Variants in GREB1L observed in about 807,000 individuals in gnomAD.
The protein encoded by GREB1L is GREB1-like protein.
Under a neutral mutation model 200.8 loss-of-function variants are expected in GREB1L, and 17 were observed. That is an observed-to-expected ratio of 0.08 (90% CI 0.06 to 0.13). The LOEUF is 0.13. Ranked by LOEUF, GREB1L falls within the 10% of genes least tolerant of loss-of-function variation. The pLI, the probability that GREB1L is intolerant of heterozygous loss-of-function variation, is 1.00. For synonymous variants in GREB1L, 789 were observed against 893.0 expected (o/e 0.88, Z 2.08); for missense variants, 1,657 against 2,367.7 (o/e 0.70, Z 6.23).
At chr18:21,358,851 A>G (rs554120311) in intron 1 of GREB1L, among the ~76,000 whole-genome samples, 1 of 152,382 alleles carries the variant, frequency 6.6e-6, no homozygotes, top group South Asian at 2.1e-4. Context: ...AAATGAAAAG[A>G]TAATAACTTC....
In GREB1L at chr18:21,266,510, A is replaced by G. The variant is rs1598615542; in HGVS notation, c.-120+24117A>G. On this transcript the variant is annotated intron_variant, in intron 1 of 32. Coordinates refer to ENST00000424526, the MANE Select transcript of GREB1L (RefSeq NM_001142966.3). ...GGCTGCAGGGAGGTAGAGAAGAGCCAGAGACAAGTGGACATGCTGAGGGCC... is the reference window on the plus strand; with the variant it reads ...GGCTGCAGGGAGGTAGAGAAGAGCCGGAGACAAGTGGACATGCTGAGGGCC... 4.6e-5 allele frequency among the ~76,000 whole-genome samples: 7 copies of G among 152,344 alleles called. No homozygotes were observed. The Middle Eastern group carries it at 0.024, about 518-fold the overall frequency.
chr18:21,278,409 T>C (rs1056797469), intron 1 of GREB1L, among the ~76,000 whole-genome samples: 2 of 147,802 alleles, frequency 1.4e-5, no homozygotes, highest in African/African-American at 4.9e-5. Context: ...AATAAATAAA[T>C]AAATAAATAA....
chr18:21,285,918 A>C (rs1175586872), intron 1 of GREB1L, among the ~76,000 whole-genome samples: 1 of 152,160 alleles, frequency 6.6e-6, no homozygotes, highest in Admixed American at 6.5e-5. Context: ...ACCTGAGCTC[A>C]CCCTTTTTAA....
chr18:21,249,635 A>C (rs2037667377), intron 1 of GREB1L, among the ~76,000 whole-genome samples: 1 of 151,992 alleles, frequency 6.6e-6, no homozygotes, highest in Admixed American at 6.6e-5. Context: ...TCGGTGGATC[A>C]CCTGAGGTCA....
At chr18:21,376,812 C>CAAAAAAAAAA (rs534144361) in intron 2 of GREB1L, among the ~76,000 whole-genome samples, 1 of 59,644 alleles carries the variant, frequency 1.7e-5, no homozygotes, top group Non-Finnish European at 3.5e-5. Context: ...GAGTCCGTCT[C>CAAAAAAAAAA]AAAAAAAAAA....
chr18:21,343,281 G>C (rs1223016659), intron 1 of GREB1L, among the ~76,000 whole-genome samples: 2 of 152,120 alleles, frequency 1.3e-5, no homozygotes, highest in Non-Finnish European at 2.9e-5. Context: ...AAACAACCTT[G>C]TATCTGATAA....
At chr18:21,479,108 G>T (rs1475760465) in intron 17 of GREB1L, among the ~76,000 whole-genome samples, 3 of 151,844 alleles carry the variant, frequency 2.0e-5, no homozygotes, top group African/African-American at 7.3e-5. Flanking sequence ...TCTCGAACTC[G>T]CAACCTCAGT....
At chr18:21,274,908 T>A (rs1365350057) in intron 1 of GREB1L, among the ~76,000 whole-genome samples, 1 of 151,378 alleles carries the variant, frequency 6.6e-6, no homozygotes, top group East Asian at 2.0e-4. Flanking sequence ...TAATAATTAA[T>A]TTAAAAAATT....
chr18:21,505,180 G>C (rs530006906), intron 23 of GREB1L, among the ~76,000 whole-genome samples: 1 of 152,336 alleles, frequency 6.6e-6, no homozygotes, highest in Admixed American at 6.5e-5. Context: ...ACAGATGCCA[G>C]AGTTTGTGAA....
intron 1 of GREB1L, among the ~76,000 whole-genome samples, chr18:21,252,387 G>A (rs576308066): frequency 2.0e-5 from 3 of 151,336 alleles, no homozygotes; most frequent in Non-Finnish European, 4.4e-5. Flanking sequence ...GAGAAACCCC[G>A]TCTCCACTAA....
chr18:21,413,818 C>A (rs2031341897), intron 7 of GREB1L, among the ~76,000 whole-genome samples: 1 of 152,260 alleles, frequency 6.6e-6, no homozygotes, highest in Non-Finnish European at 1.5e-5. Flanking sequence ...CCTTAGTAAG[C>A]ATGAGGAAGA....
chr18:21,441,623 G>T, intron 10 of GREB1L, 86 bp downstream of exon 10: 7 of 1,220,728 alleles, frequency 5.7e-6, no homozygotes, highest in East Asian at 2.6e-5. Context: ...ATGTATTCAT[G>T]AAGATATTCA....
At chr18:21,467,685 A>G (rs1275131122) in intron 15 of GREB1L, among the ~76,000 whole-genome samples, 2 of 152,218 alleles carry the variant, frequency 1.3e-5, no homozygotes, top group African/African-American at 4.8e-5. Flanking sequence ...TGGTTGTCCA[A>G]ATGATTAAAT....
intron 7 of GREB1L, among the ~76,000 whole-genome samples, chr18:21,410,772 A>G (rs1188541719): frequency 2.0e-5 from 3 of 152,118 alleles, no homozygotes; most frequent in Non-Finnish European, 4.4e-5. Context: ...GATATGTGTA[A>G]TACATAAAAC....
At chr18:21,465,760 T>A (rs374992230) in intron 15 of GREB1L, among the ~76,000 whole-genome samples, 1 of 152,166 alleles carries the variant, frequency 6.6e-6, no homozygotes. Flanking sequence ...ACATTCCCCC[T>A]TTTTAAGAAG....
At chr18:21,473,751 G>T (rs1172104549) in intron 16 of GREB1L, among the ~76,000 whole-genome samples, 1 of 151,960 alleles carries the variant, frequency 6.6e-6, no homozygotes, top group African/African-American at 2.4e-5. Flanking sequence ...CCATTTTCAT[G>T]GTGCTAATAA....
rs191521831 is a variant in GREB1L at position 21,364,997 on chromosome 18, G to A, written c.-119-1030G>A. On this transcript the variant is annotated intron_variant, in intron 1 of 32. Transcript: ENST00000424526. ...AAAAGATGTCTATTTATGTGTGGGC[G>A]GGTGGGATATATGTGAGTTTGAAAA... Among the ~76,000 whole-genome samples, 34 of 152,082 alleles carry A rather than the reference G, an allele frequency of 2.2e-4. No individual in the cohort carries two copies. The East Asian group carries it at 6.0e-3, about 27-fold the overall frequency.
intron 4 of GREB1L, among the ~76,000 whole-genome samples, chr18:21,392,898 G>GCTT (rs2040884203): frequency 6.6e-6 from 1 of 151,480 alleles, no homozygotes; most frequent in Non-Finnish European, 1.5e-5. Flanking sequence ...TAACCTCCTA[G>GCTT]GTAGCTGGGA....
chr18:21,515,480 T>C lies in GREB1L; in HGVS notation c.4965T>C (p.Ile1655=). 1 of 1,551,670 alleles carries C rather than the reference T, an allele frequency of 6.4e-7. No individual in the cohort carries two copies. The highest frequency in any genetic ancestry group is 8.7e-7 in the Non-Finnish European group (1 of 1,146,974). The change falls in exon 29 of 33, where the codon ATT becomes ATC. Residue 1655 remains isoleucine (I), a synonymous_variant. Coordinates refer to ENST00000424526, the MANE Select transcript of GREB1L (RefSeq NM_001142966.3). ...NVSLKTVLQH[I]EATPKIVHYA... ...CCTTGAAGACTGTCTTGCAGCACAT[T>C]GAAGCCACACCAAAAATTGTCCACT...
Sources: allele counts gnomAD v4.1 joint callset (sites outside exome capture counted in the v4.1 genomes callset), GRCh38; gene constraint gnomAD v4.1.1; transcripts MANE v1.5; gene names NCBI Gene and HGNC (gene_info 2026-07-23, HGNC 2026-07-21).